PCOLCE2: variants seen among roughly 807,000 people sequenced by gnomAD.
PCOLCE2 encodes procollagen C-proteinase enhancer 2.
In PCOLCE2, 42 loss-of-function variants were observed where a neutral mutation model predicts 47.0. The observed-to-expected ratio is 0.89, with a 90% confidence interval of 0.70 to 1.16. PCOLCE2 has a LOEUF of 1.16. Among genes scored for constraint, PCOLCE2 ranks in the 50% most tolerant of loss-of-function variants. PCOLCE2 has a pLI of 0.00. For synonymous variants in PCOLCE2, 169 were observed against 191.7 expected (o/e 0.88, Z 0.98); for missense variants, 500 against 526.1 (o/e 0.95, Z 0.49).
intron 5 of PCOLCE2, among the ~76,000 whole-genome samples, chr3:142,833,363 T>C (rs1198242781): frequency 6.6e-6 from 1 of 152,026 alleles, no homozygotes; most frequent in East Asian, 1.9e-4. Context: ...TGTTTTGTAT[T>C]TTTAGAGATA....
At position 142,879,907 on chromosome 3, in the gene PCOLCE2, C is replaced by G. The variant is rs1044675295; in HGVS notation, c.192+7762G>C. On this transcript the variant is annotated intron_variant, in intron 2 of 8. Coordinates refer to ENST00000295992, the MANE Select transcript of PCOLCE2 (RefSeq NM_013363.4). Reference sequence around the variant, plus strand: ...AATAGTGTGAACCCAGGAGGCAGAGCTTGCAGTGAGCCGAGATCATGCCAC... The same window carrying G: ...AATAGTGTGAACCCAGGAGGCAGAGGTTGCAGTGAGCCGAGATCATGCCAC... Among the ~76,000 whole-genome samples, 7 of 145,484 alleles carry G rather than the reference C, an allele frequency of 4.8e-5. No individual in the cohort carries two copies. The East Asian group carries it at 8.3e-4, about 17-fold the overall frequency.
At chr3:142,864,958 A>C (rs1933253317) in intron 2 of PCOLCE2, among the ~76,000 whole-genome samples, 1 of 152,194 alleles carries the variant, frequency 6.6e-6, no homozygotes, top group Admixed American at 6.5e-5. Flanking sequence ...TGCTTCCATA[A>C]ACATCTTTGT....
At chr3:142,822,560 T>C (rs1300889266) in intron 7 of PCOLCE2, among the ~76,000 whole-genome samples, 1 of 152,162 alleles carries the variant, frequency 6.6e-6, no homozygotes, top group Non-Finnish European at 1.5e-5. Flanking sequence ...ATTCAGTCTA[T>C]AGTCAAGTGA....
intron 5 of PCOLCE2, among the ~76,000 whole-genome samples, chr3:142,830,766 T>G (rs1243000262): frequency 6.6e-6 from 1 of 152,250 alleles, no homozygotes; most frequent in East Asian, 1.9e-4. Context: ...AAAAAAATGC[T>G]GTCTGATTAA....
chr3:142,823,678 C>G (rs918027161), intron 6 of PCOLCE2, 63 bp from the exon 7 acceptor site: 2 of 875,688 alleles, frequency 2.3e-6, no homozygotes, highest in African/African-American at 1.7e-5. Context: ...GTCTTTAGTT[C>G]TGAATCTACC....
intron 3 of PCOLCE2, among the ~76,000 whole-genome samples, chr3:142,847,696 C>T (rs1226948367): frequency 6.6e-6 from 1 of 152,012 alleles, no homozygotes; most frequent in African/African-American, 2.4e-5. Context: ...GCCACCACAC[C>T]CAGATAATTT....
intron 2 of PCOLCE2, among the ~76,000 whole-genome samples, chr3:142,867,377 G>A (rs149238993): frequency 6.6e-6 from 1 of 152,244 alleles, no homozygotes; most frequent in African/African-American, 2.4e-5. Context: ...AGTAGTAACT[G>A]CAAGAGTTAA....
chr3:142,866,924 C>A (rs1232627800), intron 2 of PCOLCE2, among the ~76,000 whole-genome samples: 3 of 152,238 alleles, frequency 2.0e-5, no homozygotes, highest in Admixed American at 6.5e-5. Context: ...GCAGTTCCCA[C>A]TCCCTTTTCT....
intron 5 of PCOLCE2, among the ~76,000 whole-genome samples, chr3:142,835,905 G>C (rs1937198129): frequency 6.6e-6 from 1 of 152,212 alleles, no homozygotes; most frequent in African/African-American, 2.4e-5. Context: ...CAGGTTCTCA[G>C]AGTGCTGGGA....
At chr3:142,878,864 A>G (rs540320912) in intron 2 of PCOLCE2, among the ~76,000 whole-genome samples, 1 of 151,828 alleles carries the variant, frequency 6.6e-6, no homozygotes, top group East Asian at 1.9e-4. Flanking sequence ...AAAAAAAAAA[A>G]CCCGAAAGAA....
rs76403160 is a variant in PCOLCE2, at chr3:142,879,307, C to T, written c.192+8362G>A. Among the ~76,000 whole-genome samples the T allele has an allele frequency of 9.7e-3, 1,469 of 151,888 alleles. 25 individuals carry two copies. Among genetic ancestry groups the T allele is most frequent in the African/African-American group, 0.034 (1,401 of 41,436 alleles). On this transcript the variant is annotated intron_variant, in intron 2 of 8. Coordinates refer to ENST00000295992, the MANE Select transcript of PCOLCE2 (RefSeq NM_013363.4). ...TCATGTTTGCTCATTTTCTTTTCTACTCATTAAACCTCTTCTAAGACATCT... is the reference window on the plus strand; with the variant it reads ...TCATGTTTGCTCATTTTCTTTTCTATTCATTAAACCTCTTCTAAGACATCT...
At chr3:142,819,604 C>G (rs1488657986) in intron 8 of PCOLCE2, among the ~76,000 whole-genome samples, 3 of 152,188 alleles carry the variant, frequency 2.0e-5, no homozygotes, top group Admixed American at 1.3e-4. Flanking sequence ...AGCCTCCTGA[C>G]TTTTCTGAAC....
Position 142,818,229 on chromosome 3 carries a change from C to T in PCOLCE2, c.*106G>A. On this transcript the variant is annotated 3_prime_UTR_variant, in exon 9 of 9. Coordinates refer to ENST00000295992, the MANE Select transcript of PCOLCE2 (RefSeq NM_013363.4). Reference sequence around the variant, plus strand: ...GTCAACCAGTCCCATCTTTCGGAATCCTCTTTCAGAATATGTAATTTTATA... The same window carrying T: ...GTCAACCAGTCCCATCTTTCGGAATTCTCTTTCAGAATATGTAATTTTATA... 9.2e-7 allele frequency: 1 copy of T among 1,090,436 alleles called. No individual in the cohort carries two copies. Among genetic ancestry groups the T allele is most frequent in the Non-Finnish European group, 1.3e-6 (1 of 741,668 alleles). 67.5% of individuals were successfully genotyped at this position (1,090,436 alleles called of 1,614,324 possible).
At position 142,857,579 on chromosome 3, in the gene PCOLCE2, T is replaced by C. The variant is rs780453484; in HGVS notation, c.193-9107A>G. Among the ~76,000 whole-genome samples the C allele has an allele frequency of 4.6e-5, 7 of 152,188 alleles. No homozygotes were observed. In the East Asian group the frequency reaches 9.6e-4, roughly 21 times the overall value. The stretch of plus-strand genomic sequence containing the variant: ...TATAAAAAAGGGAAAAAAGGTAATA[T>C]TTCTTTTAAAACAATGAAAAAATCC... On this transcript the variant is annotated intron_variant, in intron 2 of 8. Coordinates refer to ENST00000295992, the MANE Select transcript of PCOLCE2 (RefSeq NM_013363.4).
At chr3:142,882,159 AG>A (rs576584153) in intron 2 of PCOLCE2, among the ~76,000 whole-genome samples, 244 of 151,954 alleles carry the variant, frequency 1.6e-3, no homozygotes, top group Admixed American at 3.7e-3. Context: ...CCACCCAAGT[AG>A]CGAGGACTAC....
chr3:142,833,122 T>C (rs1308145441), intron 5 of PCOLCE2, among the ~76,000 whole-genome samples: 2 of 152,262 alleles, frequency 1.3e-5, no homozygotes, highest in Non-Finnish European at 2.9e-5. Context: ...CTATGCGATA[T>C]ATTGTGTAGG....
intron 6 of PCOLCE2, chr3:142,827,533 G>T: frequency 6.8e-7 from 1 of 1,479,416 alleles, no homozygotes; most frequent in South Asian, 1.1e-5. Flanking sequence ...GGCAGCACAC[G>T]ATCATACCCT....
chr3:142,835,196 C>T (rs1937189361), intron 5 of PCOLCE2, among the ~76,000 whole-genome samples: 2 of 152,154 alleles, frequency 1.3e-5, no homozygotes, highest in Non-Finnish European at 2.9e-5. Context: ...ATCTCTACTA[C>T]AATAATGAAC....
intron 2 of PCOLCE2, among the ~76,000 whole-genome samples, chr3:142,863,421 C>T (rs1933220874): frequency 6.6e-6 from 1 of 152,150 alleles, no homozygotes; most frequent in African/African-American, 2.4e-5. Context: ...TATCATAAGG[C>T]AGTTAGAATG....
Sources: allele counts gnomAD v4.1 joint callset (sites outside exome capture counted in the v4.1 genomes callset), GRCh38; gene constraint gnomAD v4.1.1; transcripts MANE v1.5; gene names NCBI Gene and HGNC (gene_info 2026-07-23, HGNC 2026-07-21).